The following L3MBTL3 variants were observed in gnomAD, a reference collection of about 807,000 sequenced individuals.
The protein encoded by L3MBTL3 is L3MBTL histone methyl-lysine binding protein 3, also known as lethal(3)malignant brain tumor-like protein 3.
In L3MBTL3, 27 loss-of-function variants were observed where a neutral mutation model predicts 102.3. That is an observed-to-expected ratio of 0.26 (90% CI 0.19 to 0.36). L3MBTL3 has a LOEUF of 0.36. L3MBTL3 is among the 10% of genes least tolerant of loss of function. The pLI is 1.00. For synonymous variants in L3MBTL3, 340 were observed against 320.9 expected (o/e 1.06, Z -0.64); for missense variants, 798 against 955.3 (o/e 0.84, Z 2.17).
At chr6:130,101,256 T>C (rs1784668975) in intron 18 of L3MBTL3, among the ~76,000 whole-genome samples, 1 of 152,184 alleles carries the variant, frequency 6.6e-6, no homozygotes, top group Non-Finnish European at 1.5e-5. Flanking sequence ...GTTTATCTTT[T>C]GGGAGAGTGA....
At chr6:130,033,230 GT>G (rs1384350193) in intron 2 of L3MBTL3, among the ~76,000 whole-genome samples, 1 of 152,152 alleles carries the variant, frequency 6.6e-6, no homozygotes, top group Non-Finnish European at 1.5e-5. Flanking sequence ...GCTCAAAGCA[GT>G]TTTATATGCC....
At chr6:130,089,772 A>G (rs953885795) in intron 16 of L3MBTL3, among the ~76,000 whole-genome samples, 6 of 151,566 alleles carry the variant, frequency 4.0e-5, no homozygotes, top group African/African-American at 1.5e-4. Flanking sequence ...CTGGCATGAG[A>G]TGGTATCTCA....
At chr6:130,058,012 G>A (rs1292371765) in intron 9 of L3MBTL3, among the ~76,000 whole-genome samples, 3 of 151,228 alleles carry the variant, frequency 2.0e-5, no homozygotes, top group Non-Finnish European at 4.4e-5. Flanking sequence ...GCGCGGTGGC[G>A]GGTGCCTGTA....
intron 16 of L3MBTL3, 87 bp downstream of exon 16, chr6:130,086,337 TCCTGTA>T: frequency 1.2e-6 from 1 of 819,752 alleles, no homozygotes; most frequent in Non-Finnish European, 2.0e-6. Flanking sequence ...ACTTGTGAAG[TCCTGTA>T]ATTAGTAAAA....
rs150902134 is a variant in L3MBTL3 at position 130,051,379 on chromosome 6, C to T, written c.420C>T (p.Ser140=). 650 of 1,613,898 alleles carry T rather than the reference C, an allele frequency of 4.0e-4. 4 individuals are homozygous for T. Among genetic ancestry groups the T allele is most frequent in the Non-Finnish European group, 7.7e-5 (91 of 1,179,906 alleles). The part of the protein sequence containing the change: ...DECLSGGNYC[S]QNCARHIKDK... ...GTCTTTCTGGAGGAAACTATTGCAG[C>T]CAGAATTGTGCTCGGCACATCAAAG... is the stretch of plus-strand genomic sequence containing the variant. Residue 140 remains serine, a synonymous_variant, in exon 6 of 23, where the codon AGC becomes AGT. Coordinates refer to ENST00000361794, the MANE Select transcript of L3MBTL3 (RefSeq NM_032438.4).
chr6:130,038,311 A>G (rs1424787903), intron 2 of L3MBTL3, among the ~76,000 whole-genome samples: 1 of 151,238 alleles, frequency 6.6e-6, no homozygotes, highest in Non-Finnish European at 1.5e-5. Flanking sequence ...ATCATATGGT[A>G]TTTCTATCTT....
At position 130,021,009 on chromosome 6, in the gene L3MBTL3, G is replaced by C. The variant is rs763819627; in HGVS notation, c.-94-1218G>C. ...GGGTGGGGGGGCGCGGCCGGGGCGA[G>C]TGCGTCCAGTTCTCCTTTTGGTTTT... On this transcript the variant is annotated intron_variant, in intron 1 of 22. Transcript: ENST00000361794. Among the ~76,000 whole-genome samples, 7 of 152,046 alleles carry C rather than the reference G, an allele frequency of 4.6e-5. No individual in the cohort carries two copies. In the East Asian group the frequency reaches 1.3e-3, roughly 29 times the overall value.
intron 18 of L3MBTL3, among the ~76,000 whole-genome samples, chr6:130,103,240 T>C (rs1447442195): frequency 6.6e-6 from 1 of 152,256 alleles, no homozygotes; most frequent in Non-Finnish European, 1.5e-5. Flanking sequence ...ATTATATAAA[T>C]TTATGTCAGC....
intron 19 of L3MBTL3, among the ~76,000 whole-genome samples, chr6:130,105,312 A>G (rs1238870058): frequency 6.6e-6 from 1 of 152,212 alleles, no homozygotes; most frequent in African/African-American, 2.4e-5. Flanking sequence ...GGGCATTTAA[A>G]TCAATGCATT....
chr6:130,103,266 A>G (rs1424124247), intron 18 of L3MBTL3, among the ~76,000 whole-genome samples: 2 of 152,180 alleles, frequency 1.3e-5, no homozygotes, highest in African/African-American at 4.8e-5. Flanking sequence ...ATCAGATGTT[A>G]TTTGCTTTCT....
At chr6:130,039,090 A>G (rs185249079) in intron 2 of L3MBTL3, among the ~76,000 whole-genome samples, 17 of 152,258 alleles carry the variant, frequency 1.1e-4, no homozygotes, top group Admixed American at 5.2e-4. Flanking sequence ...TTTTTGAACA[A>G]AATTTTCAAG....
chr6:130,071,960 T>G (rs1370431913), intron 13 of L3MBTL3, among the ~76,000 whole-genome samples: 1 of 152,158 alleles, frequency 6.6e-6, no homozygotes, highest in Non-Finnish European at 1.5e-5. Context: ...GAAATTCATT[T>G]GCTATTCATA....
chr6:130,118,123 G>A (rs1016855324), intron 19 of L3MBTL3, among the ~76,000 whole-genome samples: 1 of 151,998 alleles, frequency 6.6e-6, no homozygotes, highest in African/African-American at 2.4e-5. Flanking sequence ...GGCACAAAAA[G>A]CATGTTTCCC....
intron 18 of L3MBTL3, among the ~76,000 whole-genome samples, chr6:130,096,387 T>C (rs142631626): frequency 6.6e-6 from 1 of 152,300 alleles, no homozygotes; most frequent in Non-Finnish European, 1.5e-5. Context: ...AAAGTGTTCA[T>C]TGGAGCAAAG....
intron 8 of L3MBTL3, 44 bp downstream of exon 8, chr6:130,055,299 T>C: frequency 6.8e-7 from 1 of 1,474,754 alleles, no homozygotes; most frequent in South Asian, 1.2e-5. Context: ...TTTATGAAAT[T>C]GGAAATGGTT....
intron 2 of L3MBTL3, among the ~76,000 whole-genome samples, chr6:130,031,224 T>C (rs1358757893): frequency 6.6e-6 from 1 of 152,192 alleles, no homozygotes; most frequent in Non-Finnish European, 1.5e-5. Context: ...TTAGACACTA[T>C]ACCAACAAGC....
At chr6:130,020,112 G>C (rs986291939) in intron 1 of L3MBTL3, among the ~76,000 whole-genome samples, 3 of 150,946 alleles carry the variant, frequency 2.0e-5, no homozygotes, top group South Asian at 2.1e-4. Context: ...AAGAGGGGTC[G>C]GGGCCGGGGC....
rs189807111 is a variant in L3MBTL3, at chr6:130,034,295, C to G, written c.-15-8390C>G. Among the ~76,000 whole-genome samples the G allele has an allele frequency of 1.8e-3, 267 of 152,146 alleles. 4 individuals carry two copies. Among genetic ancestry groups the G allele is most frequent in the Non-Finnish European group, 2.2e-4 (15 of 67,992 alleles). ...AATGTCCGCAGCCAGTCACGATTCT[C>G]AACTTGAAAAAAAATCATTTTAGCA... On this transcript the variant is annotated intron_variant, in intron 2 of 22. Transcript: ENST00000361794.
intron 2 of L3MBTL3, among the ~76,000 whole-genome samples, chr6:130,024,671 T>C (rs1029879548): frequency 6.6e-6 from 1 of 152,162 alleles, no homozygotes; most frequent in African/African-American, 2.4e-5. Flanking sequence ...CAAGGATGGA[T>C]AACTTGAGTG....
Sources: allele counts gnomAD v4.1 joint callset (sites outside exome capture counted in the v4.1 genomes callset), GRCh38; gene constraint gnomAD v4.1.1; transcripts MANE v1.5; gene names NCBI Gene and HGNC (gene_info 2026-07-23, HGNC 2026-07-21).